Variants in DAB2IP observed in about 807,000 individuals in gnomAD.
The protein encoded by DAB2IP is disabled homolog 2-interacting protein.
Under a neutral mutation model 107.2 loss-of-function variants are expected in DAB2IP, and 28 were observed. The observed-to-expected ratio is 0.26, with a 90% CI of 0.19 to 0.36. DAB2IP has a LOEUF of 0.36. DAB2IP is among the 10% of genes least tolerant of loss of function. The pLI is 1.00. For missense variants in DAB2IP, 1,400 were observed against 1,644.7 expected, an observed-to-expected ratio of 0.85 and a Z score of 2.57; for synonymous variants, 755 against 706.4, an observed-to-expected ratio of 1.07 and a Z score of -1.09.
upstream of DAB2IP, among the ~76,000 whole-genome samples, chr9:121,650,162 T>C (rs1832687186): frequency 6.6e-6 from 1 of 152,220 alleles, no homozygotes; most frequent in African/African-American, 2.4e-5. Flanking sequence ...AAGGGTGTCC[T>C]CTTGGGCACC....
rs776840731 is a variant in DAB2IP at position 121,782,444 on chromosome 9, C to T, written c.3516C>T (p.Pro1172=). Residue 1172 remains proline, a synonymous_variant, in exon 16 of 16, where the codon CCC becomes CCT. Transcript: ENST00000408936. This position sits in a 1 kb window ranked among gnomAD's most constrained non-coding sequence, Gnocchi z 6.1. The stretch of plus-strand genomic sequence containing the variant: ...GTAACGGCATCTCCCCCACCAACCC[C>T]ACCAAATTGCAGATTACTGAGAACG... The T allele has an allele frequency of 3.7e-6, 6 of 1,614,126 alleles. No homozygotes were observed. The highest frequency in any genetic ancestry group is 1.1e-5 in the South Asian group (1 of 91,082).
intron 1 of DAB2IP, among the ~76,000 whole-genome samples, chr9:121,659,974 C>T (rs1276460421): frequency 6.6e-6 from 1 of 151,834 alleles, no homozygotes; most frequent in African/African-American, 2.4e-5. Flanking sequence ...CCAGGGGCTG[C>T]CACAGCAGAT....
intron 1 of DAB2IP, among the ~76,000 whole-genome samples, chr9:121,604,693 G>A (rs902582495): frequency 2.0e-5 from 3 of 152,096 alleles, no homozygotes; most frequent in African/African-American, 7.2e-5. Context: ...CCGTTCCTCC[G>A]GGCTTGTAGC....
rs182554995 is a variant in DAB2IP, at chr9:121,701,761, C to T, written c.362+2303C>T. 2.0e-5 allele frequency among the ~76,000 whole-genome samples: 3 copies of T among 152,268 alleles called. No homozygotes were observed. The highest frequency in any genetic ancestry group is 3.9e-4 in the East Asian group (2 of 5,174). On this transcript the variant is annotated intron_variant, in intron 3 of 15. Coordinates refer to ENST00000408936, the Ensembl canonical transcript of DAB2IP. The surrounding 1 kb of genome is among the most constrained non-coding windows in gnomAD (Gnocchi z 4.7). ...TGAGTAAAAACAACTATGGTGACCC[C>T]GCCCGCCCCCCAGCTCATGGCCAAA...
exon 12 of DAB2IP, chr9:121,773,058 C>G: frequency 1.9e-6 from 3 of 1,612,546 alleles, no homozygotes; most frequent in Non-Finnish European, 1.7e-6. Flanking sequence ...GCTGTCACCC[C>G]GTGGCCTTGG....
intron 3 of DAB2IP, among the ~76,000 whole-genome samples, chr9:121,721,719 A>G (rs894000155): frequency 2.2e-4 from 34 of 152,262 alleles, no homozygotes; most frequent in African/African-American, 7.5e-4. Context: ...TAAACAAAAC[A>G]TGAATGTTGA....
intron 14 of DAB2IP, among the ~76,000 whole-genome samples, chr9:121,780,964 CCGTGCAGGGTGTAGTTAGTTACT>C (rs1421764085): frequency 6.6e-6 from 1 of 152,202 alleles, no homozygotes; most frequent in African/African-American, 2.4e-5. Flanking sequence ...CGCAGCTGCT[CCGTGCAGGGTGTAGTTAGTTACT>C]CGTGCCTCCT....
intron 1 of DAB2IP, among the ~76,000 whole-genome samples, chr9:121,620,645 C>CT (rs1470527408): frequency 1.3e-4 from 20 of 152,174 alleles, no homozygotes; most frequent in Admixed American, 1.3e-3. Flanking sequence ...GCCAGCCACC[C>CT]TGGGGGGGTC....
chr9:121,681,581 C>T lies in DAB2IP; in HGVS notation c.228+2800C>T, dbSNP rs186797045. 7.7e-4 allele frequency among the ~76,000 whole-genome samples: 117 copies of T among 152,148 alleles called. No individual in the cohort carries two copies. The Middle Eastern group carries it at 0.014, about 18-fold the overall frequency. Reference sequence around the variant, plus strand: ...TCATGGCAACCCTCTAGGGGAGGCACCATTAGTGTGCCCATTTCACAGGTG... The same window carrying T: ...TCATGGCAACCCTCTAGGGGAGGCATCATTAGTGTGCCCATTTCACAGGTG... On this transcript the variant is annotated intron_variant, in intron 2 of 15. Coordinates refer to ENST00000408936, the Ensembl canonical transcript of DAB2IP.
chr9:121,651,900 G>A lies in DAB2IP; in HGVS notation c.124+1G>A. 3 of 1,395,568 alleles carry A rather than the reference G, an allele frequency of 2.1e-6. No homozygotes were observed. The highest frequency in any genetic ancestry group is 1.6e-5 in the South Asian group (1 of 63,814). 86.4% of individuals were successfully genotyped at this position (1,395,568 alleles called of 1,614,324 possible). On this transcript the variant is annotated splice_donor_variant, in intron 1 of 15. Transcript: ENST00000408936. LOFTEE classifies it high-confidence loss of function. This position sits in a 1 kb window ranked among gnomAD's most constrained non-coding sequence, Gnocchi z 5.1. ...CGCAGCCGGACCCGGCCTGCCAGGGGTAGGCGCCACCCCGACCCCTGACCC... is the reference window on the plus strand; with the variant it reads ...CGCAGCCGGACCCGGCCTGCCAGGGATAGGCGCCACCCCGACCCCTGACCC...
intron 3 of DAB2IP, among the ~76,000 whole-genome samples, chr9:121,747,800 G>A (rs1468027661): frequency 6.6e-6 from 1 of 151,502 alleles, no homozygotes; most frequent in Admixed American, 6.6e-5. Flanking sequence ...ATGACTTGGG[G>A]GATTAGATGG....
intron 2 of DAB2IP, among the ~76,000 whole-genome samples, chr9:121,680,689 C>T (rs1828538985): frequency 6.6e-6 from 1 of 151,844 alleles, no homozygotes; most frequent in Non-Finnish European, 1.5e-5. Flanking sequence ...GAAGTGCCTA[C>T]TGTGTGCCAG....
At chr9:121,580,711 G>A (rs550747556) in intron 1 of DAB2IP, among the ~76,000 whole-genome samples, 9 of 152,052 alleles carry the variant, frequency 5.9e-5, no homozygotes, top group Non-Finnish European at 1.0e-4. Flanking sequence ...TGCAAGCTCC[G>A]CCTCTCAGGT....
chr9:121,767,192 T>TTG (rs1834346117), intron 9 of DAB2IP, among the ~76,000 whole-genome samples: 1 of 152,176 alleles, frequency 6.6e-6, no homozygotes, highest in Non-Finnish European at 1.5e-5. Flanking sequence ...TAAAGCACTA[T>TTG]TGGTGTTTTT....
chr9:121,675,381 A>C (rs947430539), intron 1 of DAB2IP, among the ~76,000 whole-genome samples: 2 of 152,150 alleles, frequency 1.3e-5, no homozygotes, highest in Non-Finnish European at 2.9e-5. Flanking sequence ...TGTGAGGTAG[A>C]ATGGCTTTCG....
chr9:121,754,370 G>A (rs565176639), intron 3 of DAB2IP, among the ~76,000 whole-genome samples: 36 of 152,176 alleles, frequency 2.4e-4, no homozygotes, highest in Non-Finnish European at 4.7e-4. Flanking sequence ...CCACCCACCC[G>A]CTTGCTGTAC....
chr9:121,661,753 CG>C (rs1833216244), intron 1 of DAB2IP, among the ~76,000 whole-genome samples: 1 of 152,184 alleles, frequency 6.6e-6, no homozygotes, highest in Admixed American at 6.5e-5. Context: ...GAGGCCAAGG[CG>C]GGAGGATCAC....
At chr9:121,636,997 G>T (rs1001112548) in intron 1 of DAB2IP, among the ~76,000 whole-genome samples, 1 of 152,178 alleles carries the variant, frequency 6.6e-6, no homozygotes, top group Non-Finnish European at 1.5e-5. Flanking sequence ...AGATCCTAAA[G>T]CCTTGAGCTC....
chr9:121,784,014 C>A (rs1342822549), exon 16 of DAB2IP: 3 of 206,548 alleles, frequency 1.5e-5, no homozygotes, highest in African/African-American at 4.5e-5. Context: ...ACAGAGGCCC[C>A]ACCTGAAGGG....
Sources: gnomAD v4.1 joint callset for allele counts (sites outside exome capture counted in the v4.1 genomes callset) on GRCh38, gnomAD v4.1.1 for gene constraint, Gnocchi (gnomAD v3.1) non-coding constraint, MANE v1.5 for transcripts, NCBI Gene and HGNC (gene_info 2026-07-23, HGNC 2026-07-21) for gene names.